Variants in MSRB3 observed in about 807,000 individuals in gnomAD.
MSRB3 encodes the protein methionine-R-sulfoxide reductase B3.
In MSRB3, 13 loss-of-function variants were observed where a neutral mutation model predicts 21.0. The observed-to-expected ratio is 0.62, with a 90% CI of 0.40 to 0.98. The LOEUF (loss-of-function observed/expected upper bound fraction) is 0.98, where lower values mean the gene tolerates loss of function less well. Among genes scored for constraint, MSRB3 ranks in the 50% least tolerant of loss-of-function variants. The pLI is 0.00. For synonymous variants in MSRB3, 87 were observed against 88.6 expected (o/e 0.98, Z 0.10); for missense variants, 199 against 230.3 (o/e 0.86, Z 0.88).
At chr12:65,459,760 A>G (rs1883240863) in intron 6 of MSRB3, among the ~76,000 whole-genome samples, 1 of 152,246 alleles carries the variant, frequency 6.6e-6, no homozygotes, top group African/African-American at 2.4e-5. Context: ...AGTGGGAAAT[A>G]CATCAGTGCA....
chr12:65,342,612 A>G (rs1026159247), intron 4 of MSRB3, among the ~76,000 whole-genome samples: 1 of 152,000 alleles, frequency 6.6e-6, no homozygotes. Flanking sequence ...TAGGTCTAGC[A>G]ATTACACTTC....
At chr12:65,405,528 A>G (rs2136612792) in intron 5 of MSRB3, among the ~76,000 whole-genome samples, 1 of 152,112 alleles carries the variant, frequency 6.6e-6, no homozygotes, top group South Asian at 2.1e-4. Flanking sequence ...CTTGGCTATT[A>G]TGAGTAATGC....
chr12:65,352,507 AAAG>A (rs1877081328), intron 4 of MSRB3, among the ~76,000 whole-genome samples: 2 of 151,876 alleles, frequency 1.3e-5, no homozygotes, highest in South Asian at 4.2e-4. Context: ...TCAATTAGGA[AAAG>A]AAGAAGTCAA....
chr12:65,436,367 G>A (rs996075334), intron 5 of MSRB3, among the ~76,000 whole-genome samples: 1 of 151,736 alleles, frequency 6.6e-6, no homozygotes, highest in Non-Finnish European at 1.5e-5. Flanking sequence ...AGCTTGTTAT[G>A]TAATGTGTTA....
intron 1 of MSRB3, among the ~76,000 whole-genome samples, chr12:65,297,339 T>G (rs1305707530): frequency 1.3e-5 from 2 of 152,126 alleles, no homozygotes; most frequent in African/African-American, 4.8e-5. Flanking sequence ...ACCTGTGTAA[T>G]AAACCTGCAC....
chr12:65,424,792 G>T (rs1471032937), intron 5 of MSRB3, among the ~76,000 whole-genome samples: 2 of 150,946 alleles, frequency 1.3e-5, no homozygotes, highest in Non-Finnish European at 3.0e-5. Context: ...GCTGCTGTTG[G>T]ATAGAACGTT....
chr12:65,346,083 C>T (rs1393613064), intron 4 of MSRB3, among the ~76,000 whole-genome samples: 1 of 152,064 alleles, frequency 6.6e-6, no homozygotes, highest in African/African-American at 2.4e-5. Context: ...GTTTTATAAT[C>T]CTTTGGGTAT....
At chr12:65,429,896 G>T (rs1239228155) in intron 5 of MSRB3, among the ~76,000 whole-genome samples, 1 of 152,116 alleles carries the variant, frequency 6.6e-6, no homozygotes, top group Admixed American at 6.6e-5. Context: ...GTATGATCCA[G>T]CAACCTAAAA....
At chr12:65,385,515 G>A (rs939166142) in intron 5 of MSRB3, among the ~76,000 whole-genome samples, 1 of 151,830 alleles carries the variant, frequency 6.6e-6, no homozygotes, top group Non-Finnish European at 1.5e-5. Flanking sequence ...TCCAGTATGG[G>A]AAAAAGAATG....
chr12:65,460,328 G>A lies in MSRB3; in HGVS notation c.391-2827G>A, dbSNP rs573963931. On this transcript the variant is annotated intron_variant, in intron 6 of 6. Coordinates refer to ENST00000308259, the MANE Select transcript of MSRB3 (RefSeq NM_001031679.3). ...CTAGAAGCTGCAAAGAATGGGCTCC[G>A]TGCGCGTACTCTCAGGGAGGAGCCT... Among the ~76,000 whole-genome samples the A allele has an allele frequency of 2.0e-5, 3 of 152,282 alleles. No individual in the cohort carries two copies. In the East Asian group the frequency reaches 5.8e-4, roughly 29 times the overall value.
At chr12:65,390,180 T>C (rs1879401341) in intron 5 of MSRB3, among the ~76,000 whole-genome samples, 2 of 152,166 alleles carry the variant, frequency 1.3e-5, no homozygotes, top group African/African-American at 4.8e-5. Flanking sequence ...CTCTAATTCC[T>C]GAAGCTCTTT....
chr12:65,301,307 G>A (rs1348557222), intron 1 of MSRB3, among the ~76,000 whole-genome samples: 1 of 152,106 alleles, frequency 6.6e-6, no homozygotes, highest in African/African-American at 2.4e-5. Flanking sequence ...ATATCTAGTA[G>A]ATGTTAGAAG....
intron 5 of MSRB3, among the ~76,000 whole-genome samples, chr12:65,444,417 A>G (rs991868273): frequency 6.6e-6 from 1 of 152,222 alleles, no homozygotes; most frequent in African/African-American, 2.4e-5. Flanking sequence ...GCTTCTGTTC[A>G]GTATCCTTTG....
chr12:65,298,487 A>T lies in MSRB3; in HGVS notation c.-51-10042A>T, dbSNP rs564352373. Among the ~76,000 whole-genome samples the T allele has an allele frequency of 4.6e-5, 7 of 152,300 alleles. No individual in the cohort carries two copies. The South Asian group carries it at 1.2e-3, about 27-fold the overall frequency. On this transcript the variant is annotated intron_variant, in intron 1 of 6. Coordinates refer to ENST00000308259, the MANE Select transcript of MSRB3 (RefSeq NM_001031679.3). ...GAAAAACAGTATAGGACAAAGTAGA[A>T]ATTTTGCAAAATATTTTATTTCTTC...
At chr12:65,357,931 A>T (rs1038901039) in intron 4 of MSRB3, among the ~76,000 whole-genome samples, 3 of 151,990 alleles carry the variant, frequency 2.0e-5, no homozygotes, top group Admixed American at 2.0e-4. Context: ...CACTGTAAAC[A>T]TACTTTTTTC....
chr12:65,397,129 G>A (rs1879862966), intron 5 of MSRB3, among the ~76,000 whole-genome samples: 1 of 152,102 alleles, frequency 6.6e-6, no homozygotes, highest in Non-Finnish European at 1.5e-5. Flanking sequence ...TCTTATCCCT[G>A]ATAATTTTCT....
At chr12:65,313,929 A>G (rs1317796016) in intron 2 of MSRB3, among the ~76,000 whole-genome samples, 1 of 152,210 alleles carries the variant, frequency 6.6e-6, no homozygotes, top group African/African-American at 2.4e-5. Context: ...ACATTCTTTC[A>G]TAGCATGAAT....
intron 4 of MSRB3, among the ~76,000 whole-genome samples, chr12:65,330,714 T>G (rs1429518827): frequency 6.6e-6 from 1 of 152,102 alleles, no homozygotes; most frequent in Non-Finnish European, 1.5e-5. Context: ...AAATGACAGT[T>G]CGGCAACTTT....
intron 4 of MSRB3, among the ~76,000 whole-genome samples, chr12:65,353,191 T>G (rs557376191): frequency 1.3e-5 from 2 of 152,142 alleles, no homozygotes; most frequent in East Asian, 1.9e-4. Flanking sequence ...CTGAAAGGAA[T>G]GTATATTCTG....
Sources: allele counts gnomAD v4.1 joint callset (sites outside exome capture counted in the v4.1 genomes callset), GRCh38; gene constraint gnomAD v4.1.1; transcripts MANE v1.5; gene names NCBI Gene and HGNC (gene_info 2026-07-23, HGNC 2026-07-21).